MAP4K3: variants seen among roughly 807,000 people sequenced by gnomAD.
The protein encoded by MAP4K3 is mitogen-activated protein kinase kinase kinase kinase 3.
Under a neutral mutation model 143.5 loss-of-function variants are expected in MAP4K3, and 94 were observed. The observed-to-expected ratio is 0.65, with a 90% CI of 0.55 to 0.78. The LOEUF (loss-of-function observed/expected upper bound fraction) is 0.78. MAP4K3 is among the 30% of genes least tolerant of loss of function. MAP4K3 has a pLI of 0.00. For synonymous variants in MAP4K3, 416 were observed against 347.2 expected, an observed-to-expected ratio of 1.20 and a Z score of -2.20; for missense variants, 1,077 against 1,068.1, an observed-to-expected ratio of 1.01 and a Z score of -0.12.
chr2:39,381,994 T>C (rs560050954), intron 1 of MAP4K3, among the ~76,000 whole-genome samples: 1 of 152,188 alleles, frequency 6.6e-6, no homozygotes, highest in Non-Finnish European at 1.5e-5. Flanking sequence ...GGAAGTGGAC[T>C]GGTGAGGAAA....
intron 13 of MAP4K3, among the ~76,000 whole-genome samples, chr2:39,311,330 C>T (rs538673957): frequency 5.1e-4 from 77 of 152,258 alleles, no homozygotes; most frequent in African/African-American, 1.7e-3. Context: ...CCGCCCGCCT[C>T]GGCCTCCTAA....
chr2:39,315,371 T>A lies in MAP4K3; in HGVS notation c.936A>T (p.Pro312=). 1 of 1,611,816 alleles carries A rather than the reference T, an allele frequency of 6.2e-7. No individual in the cohort carries two copies. The highest frequency in any genetic ancestry group is 8.5e-7 in the Non-Finnish European group (1 of 1,178,596). Reference sequence around the variant, plus strand: ...TTCTACTTGTTGAGTGAATTCTATGTGGTACAGCAACAAGAGGCTAGAAAA... The same window carrying A: ...TTCTACTTGTTGAGTGAATTCTATGAGGTACAGCAACAAGAGGCTAGAAAA... The part of the protein sequence containing the change: ...DDDPEPLVAV[P]HRIHSTSRNV... The change falls in exon 13 of 34, where the codon CCA becomes CCT. Residue 312 remains proline, a synonymous_variant. Transcript: ENST00000263881.
intron 13 of MAP4K3, among the ~76,000 whole-genome samples, chr2:39,309,849 C>T (rs1184367469): frequency 1.3e-5 from 2 of 151,822 alleles, no homozygotes; most frequent in African/African-American, 2.4e-5. Context: ...TGAGCCACTG[C>T]GCCCGGCCAA....
At chr2:39,265,956 T>C (rs961313089) in intron 27 of MAP4K3, among the ~76,000 whole-genome samples, 1 of 152,064 alleles carries the variant, frequency 6.6e-6, no homozygotes, top group African/African-American at 2.4e-5. Context: ...ATAAAAAAAC[T>C]GAACTGTGAA....
chr2:39,323,728 G>T (rs1305275121), intron 12 of MAP4K3: 1 of 151,964 alleles, frequency 6.6e-6, no homozygotes, highest in Non-Finnish European at 1.5e-5. Context: ...GACACATGAT[G>T]AAAAGGCAAA....
chr2:39,398,723 A>AATT (rs1334660869), intron 1 of MAP4K3, among the ~76,000 whole-genome samples: 1 of 138,130 alleles, frequency 7.2e-6, no homozygotes, highest in East Asian at 2.0e-4. Context: ...AAATAATAAT[A>AATT]ATAATAATAA....
intron 31 of MAP4K3, among the ~76,000 whole-genome samples, chr2:39,257,589 A>G (rs1175564430): frequency 6.6e-6 from 1 of 152,016 alleles, no homozygotes; most frequent in African/African-American, 2.4e-5. Flanking sequence ...TCACGAGGTC[A>G]AGAGTTCGAG....
At chr2:39,306,673 A>G (rs1026823246) in intron 15 of MAP4K3, among the ~76,000 whole-genome samples, 1 of 152,210 alleles carries the variant, frequency 6.6e-6, no homozygotes, top group Non-Finnish European at 1.5e-5. Flanking sequence ...TCAAAATCTC[A>G]GCTCTCTGCC....
intron 1 of MAP4K3, among the ~76,000 whole-genome samples, chr2:39,416,800 C>T (rs1667394900): frequency 1.3e-5 from 2 of 152,156 alleles, no homozygotes; most frequent in African/African-American, 4.8e-5. Flanking sequence ...AATGTTTTCA[C>T]ACATCTATTT....
intron 6 of MAP4K3, among the ~76,000 whole-genome samples, chr2:39,334,540 A>C (rs1169803053): frequency 2.0e-5 from 3 of 152,204 alleles, no homozygotes; most frequent in Non-Finnish European, 4.4e-5. Flanking sequence ...TAGTAGGGGA[A>C]GGAGAAAAAG....
At chr2:39,336,859 A>C (rs1057130130) in intron 6 of MAP4K3, 61 bp downstream of exon 6, 7 of 720,310 alleles carry the variant, frequency 9.7e-6, no homozygotes, top group African/African-American at 9.3e-5. Flanking sequence ...TGCTCAAAAC[A>C]ATTTGATCAG....
chr2:39,317,381 G>A (rs1683148554), intron 12 of MAP4K3, among the ~76,000 whole-genome samples: 1 of 152,068 alleles, frequency 6.6e-6, no homozygotes, highest in Non-Finnish European at 1.5e-5. Context: ...GATGCCAAAA[G>A]CAATTGCCAC....
At chr2:39,428,139 TG>T (rs1355776736) in intron 1 of MAP4K3, among the ~76,000 whole-genome samples, 3 of 152,226 alleles carry the variant, frequency 2.0e-5, no homozygotes. Context: ...GCCTTAGGCA[TG>T]TTCCTTAGAT....
chr2:39,402,452 TAATC>T (rs1241057522), intron 1 of MAP4K3, among the ~76,000 whole-genome samples: 2 of 152,058 alleles, frequency 1.3e-5, no homozygotes, highest in Non-Finnish European at 2.9e-5. Context: ...AGACATATCA[TAATC>T]AAATTGCTTA....
chr2:39,377,301 T>C (rs770001287), intron 2 of MAP4K3, among the ~76,000 whole-genome samples: 1 of 150,824 alleles, frequency 6.6e-6, no homozygotes, highest in Non-Finnish European at 1.5e-5. Context: ...ACCAATAAAC[T>C]CTTATTATCA....
chr2:39,317,716 T>C (rs1394867478), intron 12 of MAP4K3, among the ~76,000 whole-genome samples: 2 of 152,082 alleles, frequency 1.3e-5, no homozygotes, highest in African/African-American at 4.8e-5. Flanking sequence ...TACCATCTCA[T>C]ACCAGCCAGA....
At chr2:39,383,464 A>C (rs1666405292) in intron 1 of MAP4K3, among the ~76,000 whole-genome samples, 1 of 152,138 alleles carries the variant, frequency 6.6e-6, no homozygotes, top group South Asian at 2.1e-4. Flanking sequence ...TGAGAACTAC[A>C]ATTAAAGATG....
intron 6 of MAP4K3, among the ~76,000 whole-genome samples, chr2:39,335,145 T>C (rs1349767067): frequency 1.3e-5 from 2 of 152,152 alleles, no homozygotes; most frequent in East Asian, 1.9e-4. Context: ...GAGAAATGCA[T>C]GGGTCAGACC....
At chr2:39,398,444 C>G (rs1572488436) in intron 1 of MAP4K3, among the ~76,000 whole-genome samples, 1 of 151,564 alleles carries the variant, frequency 6.6e-6, no homozygotes, top group African/African-American at 2.4e-5. Context: ...CAGAAATTAA[C>G]AAAAATTAAT....
Sources: allele counts gnomAD v4.1 joint callset (sites outside exome capture counted in the v4.1 genomes callset), GRCh38; gene constraint gnomAD v4.1.1; transcripts MANE v1.5; gene names NCBI Gene and HGNC (gene_info 2026-07-23, HGNC 2026-07-21).